The following OLFML2A variants were observed in gnomAD, a reference collection of about 807,000 sequenced individuals.
The protein encoded by OLFML2A is olfactomedin-like protein 2A.
In OLFML2A, 47 loss-of-function variants were observed where a neutral mutation model predicts 60.9. The observed-to-expected ratio is 0.77, with a 90% CI of 0.61 to 0.98. The LOEUF is 0.98. Among genes scored for constraint, OLFML2A ranks in the 50% least tolerant of loss-of-function variants. OLFML2A has a pLI of 0.00. For synonymous variants in OLFML2A, 372 were observed against 375.0 expected (o/e 0.99, Z 0.09); for missense variants, 922 against 879.8 (o/e 1.05, Z -0.61).
intron 2 of OLFML2A, among the ~76,000 whole-genome samples, chr9:124,790,206 C>G (rs187053097): frequency 6.6e-6 from 1 of 151,922 alleles, no homozygotes; most frequent in Non-Finnish European, 1.5e-5. Context: ...CTTACTTTAC[C>G]GCCCAGGCTG....
intron 6 of OLFML2A, among the ~76,000 whole-genome samples, 164 bp from the exon 7 acceptor site, chr9:124,807,617 G>A (rs1357697748): frequency 2.6e-5 from 4 of 152,140 alleles, no homozygotes; most frequent in African/African-American, 9.7e-5. Context: ...TATGTTTTTG[G>A]TAACGATCAG....
intron 2 of OLFML2A, among the ~76,000 whole-genome samples, chr9:124,793,761 C>T (rs778964735): frequency 1.2e-4 from 19 of 152,186 alleles, no homozygotes; most frequent in Admixed American, 5.2e-4. Flanking sequence ...CGTGGTGGCT[C>T]ATCCCTCTAA....
chr9:124,807,246 A>C (rs1841912818), intron 6 of OLFML2A, among the ~76,000 whole-genome samples: 1 of 151,074 alleles, frequency 6.6e-6, no homozygotes, highest in Non-Finnish European at 1.5e-5. Flanking sequence ...TTTAGATTCC[A>C]CATATAATGA....
At chr9:124,786,788 ACACACAC>A (rs1406665065) in intron 1 of OLFML2A, among the ~76,000 whole-genome samples, 180 bp from the exon 2 acceptor site, 1 of 150,746 alleles carries the variant, frequency 6.6e-6, no homozygotes, top group African/African-American at 2.4e-5. Flanking sequence ...ACACACACAC[ACACACAC>A]ACAGAGTTGT....
Position 124,777,377 on chromosome 9 carries a change from G to A in OLFML2A, c.90+17G>A. 8.1e-7 allele frequency: 1 copy of A among 1,241,846 alleles called. No individual in the cohort carries two copies. The highest frequency in any genetic ancestry group is 3.3e-5 in the South Asian group (1 of 30,672). The allele number at this position is 1,241,846 out of a possible 1,614,324, so 76.9% of individuals were successfully genotyped here. A position where few individuals can be genotyped will look rare whatever the true frequency, so the allele number is the denominator to read the frequency against. Reference sequence around the variant, plus strand: ...GACAGTAAGGTACGCACGCCCCTCGGACCCGCGCGGCTCGGCGGGTAGCGG... The same window carrying A: ...GACAGTAAGGTACGCACGCCCCTCGAACCCGCGCGGCTCGGCGGGTAGCGG... On this transcript the variant is annotated intron_variant, in intron 1 of 7. Transcript: ENST00000373580. The surrounding 1 kb of genome is among the most constrained non-coding windows in gnomAD (Gnocchi z 6.2).
chr9:124,805,152 T>G (rs1363329165), intron 6 of OLFML2A, among the ~76,000 whole-genome samples: 2 of 152,210 alleles, frequency 1.3e-5, no homozygotes, highest in Non-Finnish European at 2.9e-5. Context: ...TGTCTCATGG[T>G]AGAAATCTTC....
intron 1 of OLFML2A, among the ~76,000 whole-genome samples, chr9:124,783,060 A>G (rs922918378): frequency 6.6e-6 from 1 of 151,550 alleles, no homozygotes; most frequent in Non-Finnish European, 1.5e-5. Flanking sequence ...ACAGGCAGAG[A>G]AGAATTGGCC....
intron 6 of OLFML2A, among the ~76,000 whole-genome samples, chr9:124,806,536 T>C (rs1304334279): frequency 6.6e-6 from 1 of 152,090 alleles, no homozygotes; most frequent in African/African-American, 2.4e-5. Context: ...CCCCATCCAC[T>C]AGTAACCACT....
At chr9:124,801,021 C>T (rs1564286623) in intron 4 of OLFML2A, 1 of 1,551,354 alleles carries the variant, frequency 6.4e-7, no homozygotes, top group South Asian at 1.2e-5. Flanking sequence ...GCCTAAGAAC[C>T]TCTCCCCTGC....
intron 2 of OLFML2A, among the ~76,000 whole-genome samples, chr9:124,790,318 C>T (rs1195353603): frequency 3.3e-5 from 5 of 152,116 alleles, no homozygotes; most frequent in South Asian, 4.2e-4. Flanking sequence ...TACAGGCGTT[C>T]GCCACCATGC....
intron 3 of OLFML2A, among the ~76,000 whole-genome samples, chr9:124,795,505 G>A (rs952067015): frequency 6.6e-6 from 1 of 152,244 alleles, no homozygotes; most frequent in African/African-American, 2.4e-5. Flanking sequence ...GTGGCCTGGC[G>A]CAGTGCCTCA....
In OLFML2A at chr9:124,809,809, C is replaced by A; in HGVS notation, c.1356C>A (p.Gly452=). Residue 452 remains glycine, a splice_region_variant and synonymous_variant, in exon 8 of 8, where the codon GGC becomes GGA. Coordinates refer to ENST00000373580, the MANE Select transcript of OLFML2A (RefSeq NM_182487.4). ...EFRNLENFKQ[G]RWSNMYKLPY... is the part of the protein sequence containing the mutation. Reference sequence around the variant, plus strand: ...GGTGACCATCGCCCTCGCCTGCAGGCCGCTGGAGTAACATGTACAAGCTAC... The same window carrying A: ...GGTGACCATCGCCCTCGCCTGCAGGACGCTGGAGTAACATGTACAAGCTAC... 3 of 1,595,524 alleles carry A rather than the reference C, an allele frequency of 1.9e-6. No homozygotes were observed. Among genetic ancestry groups the A allele is most frequent in the Non-Finnish European group, 2.6e-6 (3 of 1,168,618 alleles).
chr9:124,800,670 C>T (rs578081773), intron 4 of OLFML2A, among the ~76,000 whole-genome samples: 2 of 152,370 alleles, frequency 1.3e-5, no homozygotes, highest in Admixed American at 6.5e-5. Context: ...GCTTCCTGCT[C>T]ATTCCCGTGC....
At chr9:124,801,835 T>C (rs1841785519) in intron 5 of OLFML2A, among the ~76,000 whole-genome samples, 172 bp downstream of exon 5, 3 of 152,240 alleles carry the variant, frequency 2.0e-5, no homozygotes, top group Admixed American at 2.0e-4. Context: ...AGGGGGTCAT[T>C]GGGATGAGAT....
intron 4 of OLFML2A, chr9:124,800,900 C>T (rs1841761218): frequency 6.5e-7 from 1 of 1,537,840 alleles, no homozygotes; most frequent in Non-Finnish European, 8.8e-7. Flanking sequence ...GGTGACCAAC[C>T]CTGTCCCAGT....
chr9:124,810,168 G>T lies in OLFML2A; in HGVS notation c.1715G>T (p.Arg572Leu), dbSNP rs372603527. Residue 572 changes from arginine (R) to leucine (L), a missense_variant, in exon 8 of 8, where the codon CGG (arginine) becomes CTG (leucine). Coordinates refer to ENST00000373580, the MANE Select transcript of OLFML2A (RefSeq NM_182487.4). The stretch of plus-strand genomic sequence containing the variant: ...ACCACGTGGAAGACACGGCTGCGGC[G>T]GAACTCCTACGGGAACTGCTTCCTG... ...RETTWKTRLR[R>L]NSYGNCFLVC... 6.2e-7 allele frequency: 1 copy of T among 1,613,928 alleles called. No homozygotes were observed. Among genetic ancestry groups the T allele is most frequent in the African/African-American group, 1.3e-5 (1 of 75,038 alleles).
chr9:124,801,690 G>A (rs1451009954), intron 5 of OLFML2A, 27 bp downstream of exon 5: 2 of 1,605,864 alleles, frequency 1.2e-6, no homozygotes, highest in Non-Finnish European at 1.7e-6. Context: ...TGGGGACCCT[G>A]GGGAGTCAGG....
chr9:124,809,928 G>C lies in OLFML2A; in HGVS notation c.1475G>C (p.Arg492Pro), dbSNP rs778599770. Reference protein sequence around the residue: ...FTKNIIKYDLRQRFVASWALL... With the variant: ...FTKNIIKYDLPQRFVASWALL... The stretch of plus-strand genomic sequence containing the variant: ...AAGAACATCATCAAGTACGACCTAC[G>C]GCAGCGCTTCGTGGCCTCCTGGGCG... The change falls in exon 8 of 8, where the codon CGG becomes CCG. Residue 492 changes from arginine (R) to proline (P), a missense_variant. Transcript: ENST00000373580. 17 of 1,614,170 alleles carry C rather than the reference G, an allele frequency of 1.1e-5. No homozygotes were observed. The highest frequency in any genetic ancestry group is 6.6e-5 in the South Asian group (6 of 91,074).
chr9:124,806,588 T>A (rs1292319270), intron 6 of OLFML2A, among the ~76,000 whole-genome samples: 1 of 152,024 alleles, frequency 6.6e-6, no homozygotes, highest in African/African-American at 2.4e-5. Context: ...TTTAACTTTT[T>A]AAATTTTTAA....
Sources: allele counts gnomAD v4.1 joint callset (sites outside exome capture counted in the v4.1 genomes callset), GRCh38; gene constraint gnomAD v4.1.1; non-coding constraint Gnocchi (gnomAD v3.1); transcripts MANE v1.5; gene names NCBI Gene and HGNC (gene_info 2026-07-23, HGNC 2026-07-21).